Variants in DCDC1 observed in about 807,000 individuals in gnomAD.
DCDC1 encodes doublecortin domain-containing protein 1.
DCDC1 carries 200 observed loss-of-function variants against 178.3 expected under a neutral mutation model. The ratio of observed to expected loss-of-function variants is 1.12; its 90% CI spans 1.00 to 1.26. The LOEUF (loss-of-function observed/expected upper bound fraction) is 1.26, where lower values mean the gene tolerates loss of function less well. DCDC1 is among the 50% of genes most tolerant of loss of function. DCDC1 has a pLI of 0.00. For synonymous variants in DCDC1, 690 were observed against 604.8 expected (o/e 1.14, Z -2.07); for missense variants, 1,983 against 1,749.2 (o/e 1.13, Z -2.38).
intron 9 of DCDC1, among the ~76,000 whole-genome samples, chr11:31,143,139 C>T (rs887810219): frequency 2.4e-4 from 37 of 151,686 alleles, no homozygotes; most frequent in African/African-American, 9.0e-4. Flanking sequence ...TCATAATGGC[C>T]AAATGGACAC....
chr11:30,956,515 T>A (rs1362251200), intron 20 of DCDC1, among the ~76,000 whole-genome samples: 1 of 152,236 alleles, frequency 6.6e-6, no homozygotes, highest in Non-Finnish European at 1.5e-5. Flanking sequence ...CTTTGGTATT[T>A]ATAGTTCACA....
Position 31,146,331 on chromosome 11 carries a change from C to T in DCDC1, c.1222-8547G>A, listed in dbSNP as rs200488002. On this transcript the variant is annotated intron_variant, in intron 9 of 38. Coordinates refer to ENST00000684477, the MANE Select transcript of DCDC1 (RefSeq NM_001387274.1). ...GAACTCCTGACCTCAGGTGATCTGC[C>T]CACCTTGGCCTCCCAAAGGGCTGGG... is the stretch of plus-strand genomic sequence containing the variant. Among the ~76,000 whole-genome samples the T allele has an allele frequency of 3.3e-5, 5 of 152,176 alleles. No homozygotes were observed. In the East Asian group the frequency reaches 9.7e-4, roughly 29 times the overall value.
chr11:30,993,976 C>T (rs756405567), intron 20 of DCDC1, among the ~76,000 whole-genome samples: 6 of 152,084 alleles, frequency 3.9e-5, no homozygotes, highest in African/African-American at 7.2e-5. Flanking sequence ...CAATATTAAA[C>T]CCAGCTAAAG....
intron 20 of DCDC1, among the ~76,000 whole-genome samples, chr11:31,025,265 A>G (rs1590798822): frequency 1.3e-5 from 2 of 151,882 alleles, no homozygotes; most frequent in African/African-American, 4.8e-5. Flanking sequence ...AGAGACCTAT[A>G]TTAAAGCTCC....
In DCDC1 at chr11:30,899,570, G is replaced by A. The variant is rs377445738; in HGVS notation, c.4736C>T (p.Thr1579Ile). 6.3e-5 allele frequency: 99 copies of A among 1,581,966 alleles called. No homozygotes were observed. The Middle Eastern group carries it at 6.7e-4, about 11-fold the overall frequency. Residue 1579 changes from threonine (T) to isoleucine (I), a missense_variant, in exon 34 of 39, where the codon ACC becomes ATC. Coordinates refer to ENST00000684477, the MANE Select transcript of DCDC1 (RefSeq NM_001387274.1). ...KKDRILADLD[T>I]MRHKMRQLKG... The stretch of plus-strand genomic sequence containing the variant: ...TAACTGTCTCATTTTGTGTCTCATG[G>A]TATCTAGATCAGCCAAAATTCTGTC...
At chr11:31,221,247 C>T (rs1974228801) in intron 9 of DCDC1, among the ~76,000 whole-genome samples, 1 of 152,102 alleles carries the variant, frequency 6.6e-6, no homozygotes, top group Non-Finnish European at 1.5e-5. Context: ...GGGTCAGACC[C>T]AAGGTATAAT....
At chr11:30,981,645 T>C (rs1565150662) in intron 20 of DCDC1, among the ~76,000 whole-genome samples, 3 of 152,198 alleles carry the variant, frequency 2.0e-5, no homozygotes, top group Non-Finnish European at 4.4e-5. Context: ...ATATTTCTTG[T>C]GTGTTGGCAC....
chr11:31,019,726 A>G (rs1219046365), intron 20 of DCDC1, among the ~76,000 whole-genome samples: 1 of 152,124 alleles, frequency 6.6e-6, no homozygotes, highest in Admixed American at 6.6e-5. Flanking sequence ...CCAAGTCCAC[A>G]ATATCCAGAT....
chr11:31,178,983 G>A (rs143356346), intron 9 of DCDC1, among the ~76,000 whole-genome samples: 1,621 of 152,120 alleles, frequency 0.011, 19 homozygotes, highest in Non-Finnish European at 0.015. Context: ...GAGCCACCGC[G>A]CCCAGCCAAC....
At chr11:31,148,035 A>G (rs1394331032) in intron 9 of DCDC1, among the ~76,000 whole-genome samples, 1 of 152,120 alleles carries the variant, frequency 6.6e-6, no homozygotes, top group African/African-American at 2.4e-5. Context: ...GTGGTAGTGG[A>G]AGAAATGCAG....
At chr11:31,366,450 A>C (rs1052738774) in intron 1 of DCDC1, among the ~76,000 whole-genome samples, 8 of 152,178 alleles carry the variant, frequency 5.3e-5, no homozygotes, top group Non-Finnish European at 8.8e-5. Context: ...TAAGGAAAAC[A>C]ATATACTGTG....
intron 6 of DCDC1, among the ~76,000 whole-genome samples, chr11:31,300,823 T>C (rs1948061841): frequency 1.3e-5 from 2 of 152,120 alleles, no homozygotes; most frequent in Non-Finnish European, 2.9e-5. Flanking sequence ...ACAGTATAGG[T>C]TTGCAAGCAT....
At chr11:31,120,323 C>T (rs926620457) in intron 11 of DCDC1, among the ~76,000 whole-genome samples, 3 of 152,070 alleles carry the variant, frequency 2.0e-5, no homozygotes, top group African/African-American at 7.2e-5. Flanking sequence ...CCATATTTCT[C>T]TTGCTCATGG....
At chr11:31,298,180 T>TA (rs1378108231) in intron 6 of DCDC1, among the ~76,000 whole-genome samples, 2 of 152,210 alleles carry the variant, frequency 1.3e-5, no homozygotes, top group Non-Finnish European at 2.9e-5. Flanking sequence ...CTTGAATCTC[T>TA]ACCTTTTTCC....
In DCDC1 at chr11:31,265,620, T is replaced by C. The variant is rs1379533788; in HGVS notation, c.961-20A>G. The C allele has an allele frequency of 2.8e-5, 35 of 1,236,788 alleles. No homozygotes were observed. Among genetic ancestry groups the C allele is most frequent in the Non-Finnish European group, 3.4e-5 (32 of 943,188 alleles). 76.6% of individuals were successfully genotyped at this position (1,236,788 alleles called of 1,614,324 possible). A position where few individuals can be genotyped will look rare whatever the true frequency, so the allele number is the denominator to read the frequency against. ...TAAAACCTGTGCAGGAAAAAAAAAT[T>C]ATAAATAATTTAGTAAACTGGTTAA... On this transcript the variant is annotated intron_variant, in intron 7 of 38. Transcript: ENST00000684477.
chr11:31,231,874 C>T (rs1591489525), intron 9 of DCDC1, among the ~76,000 whole-genome samples: 1 of 152,198 alleles, frequency 6.6e-6, no homozygotes, highest in African/African-American at 2.4e-5. Flanking sequence ...AAGGAAAACA[C>T]TTCTTGGCAT....
intron 15 of DCDC1, among the ~76,000 whole-genome samples, chr11:31,098,404 G>A (rs1958290565): frequency 1.3e-5 from 2 of 152,168 alleles, no homozygotes; most frequent in African/African-American, 4.8e-5. Flanking sequence ...GGATAAGAGA[G>A]CAACAGGTTG....
intron 20 of DCDC1, among the ~76,000 whole-genome samples, chr11:31,055,773 T>C (rs1317114664): frequency 6.6e-6 from 1 of 152,174 alleles, no homozygotes; most frequent in African/African-American, 2.4e-5. Context: ...AAACATCATA[T>C]GTTCTCACTG....
At chr11:31,029,592 T>C (rs980999599) in intron 20 of DCDC1, among the ~76,000 whole-genome samples, 2 of 152,104 alleles carry the variant, frequency 1.3e-5, no homozygotes, top group Admixed American at 6.5e-5. Flanking sequence ...AGATATTCTA[T>C]GTTGTTTTGG....
Sources: allele counts gnomAD v4.1 joint callset (sites outside exome capture counted in the v4.1 genomes callset), GRCh38; gene constraint gnomAD v4.1.1; transcripts MANE v1.5; gene names NCBI Gene and HGNC (gene_info 2026-07-23, HGNC 2026-07-21).